The following LAMA5 variants were observed in gnomAD, a reference collection of about 807,000 sequenced individuals.
LAMA5 encodes laminin subunit alpha-5.
In LAMA5, 260 loss-of-function variants were observed where a neutral mutation model predicts 433.4. That is an observed-to-expected ratio of 0.60 (90% CI 0.54 to 0.66). LAMA5 has a LOEUF of 0.66. Ranked by LOEUF, LAMA5 falls within the 30% of genes least tolerant of loss-of-function variation. The pLI is 0.00. For missense variants in LAMA5, 5,378 were observed against 5,258.5 expected (o/e 1.02, Z -0.70); for synonymous variants, 2,620 against 2,226.6 (o/e 1.18, Z -4.97).
chr20:62,325,397 GGCCACCTCCAGT>G lies in LAMA5; in HGVS notation c.5436_5447del (p.Leu1813_Ala1816del), dbSNP rs758458182. ...CCAGGGCCCCCTGGCCTGCTGGGCT[GGCCACCTCCAGT>G]GCCACCCTGCGCAGGAAGACAGCCG... On this transcript the variant is annotated inframe_deletion, in exon 41 of 80. Coordinates refer to ENST00000252999, the MANE Select transcript of LAMA5 (RefSeq NM_005560.6). 3 of 1,611,564 alleles carry G rather than the reference GGCCACCTCCAGT, an allele frequency of 1.9e-6. No individual in the cohort carries two copies. The African/African-American group carries it at 4.0e-5, about 22-fold the overall frequency.
rs371411677 is a variant in LAMA5, at chr20:62,313,071, G to C, written c.8955+17C>G. ...TCAGTGCAAGTGGGGATGGCAGGAC[G>C]GGTGTGCCTGGCGCACCTGCTGCTT... is the stretch of plus-strand genomic sequence containing the variant. On this transcript the variant is annotated intron_variant, in intron 65 of 79. Transcript: ENST00000252999. The C allele has an allele frequency of 1.9e-6, 3 of 1,607,092 alleles. No individual in the cohort carries two copies. Among genetic ancestry groups the C allele is most frequent in the African/African-American group, 2.7e-5 (2 of 74,926 alleles).
At chr20:62,366,582 GC>G (rs1359004299) in intron 1 of LAMA5, among the ~76,000 whole-genome samples, 5 of 152,284 alleles carry the variant, frequency 3.3e-5, no homozygotes, top group Admixed American at 2.6e-4. Context: ...GCGGAGCTGC[GC>G]CCCCTCCCCA....
intron 16 of LAMA5, 74 bp from the exon 17 acceptor site, chr20:62,336,860 C>T (rs1275139718): frequency 2.0e-6 from 3 of 1,474,908 alleles, no homozygotes; most frequent in Non-Finnish European, 2.8e-6. Context: ...CCAGGCCCAG[C>T]CAGAACCCAC....
At position 62,328,463 on chromosome 20, in the gene LAMA5, G is replaced by T; in HGVS notation, c.4448-18C>A. ...GTCACAGGCTGTGGGGCGGGTACAG[G>T]GTTTACTGACCCCTCTTCCCAGTCC... On this transcript the variant is annotated intron_variant, in intron 34 of 79. Coordinates refer to ENST00000252999, the MANE Select transcript of LAMA5 (RefSeq NM_005560.6). The T allele has an allele frequency of 6.8e-7, 1 of 1,473,002 alleles. No individual in the cohort carries two copies. Among genetic ancestry groups the T allele is most frequent in the Non-Finnish European group, 9.0e-7 (1 of 1,105,284 alleles). The allele number at this position is 1,473,002 out of a possible 1,614,324, so 91.2% of individuals were successfully genotyped here.
intron 30 of LAMA5, 45 bp from the exon 31 acceptor site, chr20:62,330,659 G>GCCGCCC (rs749939862): frequency 2.4e-5 from 37 of 1,569,150 alleles, no homozygotes; most frequent in Non-Finnish European, 2.9e-5. Flanking sequence ...ATGAGCCCCT[G>GCCGCCC]CTGCCCCCTG....
chr20:62,331,191 C>A (rs1246360429), intron 28 of LAMA5, 62 bp from the exon 29 acceptor site: 1 of 661,122 alleles, frequency 1.5e-6, no homozygotes, highest in Non-Finnish European at 2.0e-6. Context: ...GGGGTGCAGG[C>A]GGTACGATGG....
chr20:62,334,353 C>T lies in LAMA5; in HGVS notation c.2583-11G>A. ...TGGTCCCTCGCAGGCCTGGCCACAG[C>T]AGGGGCTGGTCAGGTGCAGCTTGGC... On this transcript the variant is annotated splice_polypyrimidine_tract_variant and intron_variant, in intron 21 of 79. Coordinates refer to ENST00000252999, the MANE Select transcript of LAMA5 (RefSeq NM_005560.6). 1 of 1,587,354 alleles carries T rather than the reference C, an allele frequency of 6.3e-7. No individual in the cohort carries two copies. The highest frequency in any genetic ancestry group is 8.6e-7 in the Non-Finnish European group (1 of 1,167,578).
At position 62,327,218 on chromosome 20, in the gene LAMA5, T is replaced by G. The variant is rs746114053; in HGVS notation, c.5112+15A>C. 1.3e-6 allele frequency: 2 copies of G among 1,492,188 alleles called. No individual in the cohort carries two copies. The highest frequency in any genetic ancestry group is 1.8e-6 in the Non-Finnish European group (2 of 1,124,096). 92.4% of individuals were successfully genotyped at this position (1,492,188 alleles called of 1,614,324 possible). A position where few individuals can be genotyped will look rare whatever the true frequency, so the allele number is the denominator to read the frequency against. On this transcript the variant is annotated intron_variant, in intron 38 of 79. Coordinates refer to ENST00000252999, the MANE Select transcript of LAMA5 (RefSeq NM_005560.6). ...ATCCTCAAAGTGCCTCCCCCAGACC[T>G]GATGCCCTGCTTACCCGGTCCCCCA...
In LAMA5 at chr20:62,311,760, C is replaced by G. The variant is rs749278210; in HGVS notation, c.9660G>C (p.Gln3220His). The change falls in exon 71 of 80, where the codon CAG (glutamine) becomes CAC (histidine). Residue 3220 changes from glutamine (Q) to histidine (H), a missense_variant. Physicochemically the swap from Gln to His is conservative, Grantham distance 24 (BLOSUM62 0). Transcript: ENST00000252999. ...ATGVWLYVDD[Q>H]LQQMKPHRGP... ...CCCGGTGGGGCTTCATCTGCTGGAG[C>G]TGGTCATCGACATACAGCCAGACTC... The G allele has an allele frequency of 5.8e-6, 9 of 1,561,160 alleles. No homozygotes were observed. The South Asian group carries it at 1.1e-4, about 18-fold the overall frequency.
At position 62,312,470 on chromosome 20, in the gene LAMA5, AG is replaced by A; in HGVS notation, c.9289del (p.Leu3097TrpfsTer10). 6.3e-7 allele frequency: 1 copy of A among 1,598,394 alleles called. No individual in the cohort carries two copies. Among genetic ancestry groups the A allele is most frequent in the Non-Finnish European group, 8.5e-7 (1 of 1,179,636 alleles). On this transcript the variant is annotated frameshift_variant, in exon 68 of 80. Coordinates refer to ENST00000252999, the MANE Select transcript of LAMA5 (RefSeq NM_005560.6). LOFTEE classifies it high-confidence loss of function. ...VRGCVKGIKALGKYVDLKRLN... is the reference protein window; with the variant it reads ...VRGCVKGIKAXGKYVDLKRLN... Reference sequence around the variant, plus strand: ...CCGCTTGAGGTCCACATACTTGCCCAGGGCCTTGATGCCTTTGACGCAGCCA... The same window carrying A: ...CCGCTTGAGGTCCACATACTTGCCCAGGCCTTGATGCCTTTGACGCAGCCA...
At chr20:62,321,410 A>G (rs1277900500) in intron 48 of LAMA5, among the ~76,000 whole-genome samples, 1 of 4,612 alleles carries the variant, frequency 2.2e-4, no homozygotes, top group Non-Finnish European at 4.2e-4. Context: ...GTGGGTTCAG[A>G]GGACGGGTAG....
intron 26 of LAMA5, 84 bp from the exon 27 acceptor site, chr20:62,332,801 C>A (rs1037309555): frequency 8.0e-6 from 12 of 1,496,606 alleles, no homozygotes; most frequent in Non-Finnish European, 1.1e-5. Context: ...GCCTCCCTGA[C>A]CCCAGGGCCT....
intron 77 of LAMA5, 25 bp downstream of exon 77, chr20:62,310,153 G>C: frequency 6.2e-7 from 1 of 1,612,004 alleles, no homozygotes. Flanking sequence ...ACCCTGCCCT[G>C]GCACGCCACC....
In LAMA5 at chr20:62,347,280, G is replaced by A. The variant is rs565388373; in HGVS notation, c.957-252C>T. On this transcript the variant is annotated intron_variant, in intron 6 of 79. Coordinates refer to ENST00000252999, the MANE Select transcript of LAMA5 (RefSeq NM_005560.6). Reference sequence around the variant, plus strand: ...CAAGGAAAGAGGCGGTGGAGGACAGGGTCTCACAGGGCCTTTGTGGAGGCG... The same window carrying A: ...CAAGGAAAGAGGCGGTGGAGGACAGAGTCTCACAGGGCCTTTGTGGAGGCG... Among the ~76,000 whole-genome samples, 8 of 152,286 alleles carry A rather than the reference G, an allele frequency of 5.3e-5. 1 individual carries two copies. The South Asian group carries it at 1.7e-3, about 32-fold the overall frequency.
chr20:62,352,537 G>GC (rs772705764), intron 3 of LAMA5, among the ~76,000 whole-genome samples, 177 bp from the exon 4 acceptor site: 10 of 152,012 alleles, frequency 6.6e-5, no homozygotes, highest in African/African-American at 9.7e-5. Context: ...GGACTGCACT[G>GC]CCCCCCACCG....
chr20:62,353,328 C>A lies in LAMA5; in HGVS notation c.451-77G>T, dbSNP rs924663722. On this transcript the variant is annotated intron_variant, in intron 2 of 79. Coordinates refer to ENST00000252999, the MANE Select transcript of LAMA5 (RefSeq NM_005560.6). ...TCCCAGGGGCCTGGCTCATTTTCTG[C>A]CCCTCAGGTGAGGCCACAGCAGGGG... The A allele has an allele frequency of 2.8e-6, 3 of 1,075,762 alleles. No homozygotes were observed. In the Admixed American group the frequency reaches 6.6e-5, roughly 24 times the overall value. The allele number at this position is 1,075,762 out of a possible 1,614,324, so 66.6% of individuals were successfully genotyped here.
rs765073110 is a variant in LAMA5 at position 62,333,614 on chromosome 20, G to A, written c.2971C>T (p.Leu991=). ...PQRGFGEPFV[L]NPGTWALRVE... The stretch of plus-strand genomic sequence containing the variant: ...CGCAGGGCCCAGGTGCCAGGGTTCA[G>A]CACAAAGGGCTCTCCGAAGCCCCTC... Residue 991 remains leucine (L), a synonymous_variant, in exon 24 of 80, where the codon CTG becomes TTG. Transcript: ENST00000252999. 1 of 1,577,692 alleles carries A rather than the reference G, an allele frequency of 6.3e-7. No homozygotes were observed. The highest frequency in any genetic ancestry group is 1.2e-5 in the South Asian group (1 of 86,448).
Position 62,309,808 on chromosome 20 carries a change from A to C in LAMA5, c.10856T>G (p.Leu3619Arg), listed in dbSNP as rs1294211658. The change falls in exon 79 of 80, where the codon CTG (leucine) becomes CGG (arginine). Residue 3619 changes from leucine to arginine, a missense_variant. Transcript: ENST00000252999. ...AVMKSGNVLR[L>R]EVDAQSNHTV... Reference sequence around the variant, plus strand: ...GTGGTTGCTCTGCGCGTCCACCTCCAGCCGGAGCACATTCCCGCTTTTCAT... The same window carrying C: ...GTGGTTGCTCTGCGCGTCCACCTCCCGCCGGAGCACATTCCCGCTTTTCAT... The C allele has an allele frequency of 6.2e-7, 1 of 1,611,350 alleles. No individual in the cohort carries two copies. Among genetic ancestry groups the C allele is most frequent in the Non-Finnish European group, 8.5e-7 (1 of 1,179,522 alleles).
Position 62,322,276 on chromosome 20 carries a change from G to A in LAMA5, c.6339C>T (p.Gly2113=), listed in dbSNP as rs752151732. 2.5e-6 allele frequency: 4 copies of A among 1,596,450 alleles called. No individual in the cohort carries two copies. The East Asian group carries it at 9.0e-5, about 36-fold the overall frequency. The change falls in exon 47 of 80, where the codon GGC becomes GGT. Residue 2113 remains glycine, a synonymous_variant. Transcript: ENST00000252999. ...TGACCGGCCAGCACTCACGCCTGCA[G>A]CCCTGCTCAGGGAGCCCCCAGTAGC... is the stretch of plus-strand genomic sequence containing the variant. ...APGYWGLPEQ[G]CRRCQCPGGR... is the part of the protein sequence containing the mutation.
Sources: gnomAD v4.1 joint callset for allele counts (sites outside exome capture counted in the v4.1 genomes callset) on GRCh38, gnomAD v4.1.1 for gene constraint, MANE v1.5 for transcripts, NCBI Gene and HGNC (gene_info 2026-07-23, HGNC 2026-07-21) for gene names.